Variants in NKAIN3 observed in about 807,000 individuals in gnomAD.
The protein encoded by NKAIN3 is sodium/potassium-transporting ATPase subunit beta-1-interacting protein 3.
A neutral mutation model predicts 30.2 loss-of-function variants in NKAIN3; 25 were observed. The observed-to-expected ratio is 0.83, with a 90% CI of 0.60 to 1.16. NKAIN3 has a LOEUF of 1.16. Ranked by LOEUF, NKAIN3 falls within the 50% of genes most tolerant of loss-of-function variation. The pLI is 0.00. For synonymous variants in NKAIN3, 91 were observed against 89.6 expected, an observed-to-expected ratio of 1.02 and a Z score of -0.09; for missense variants, 225 against 254.1, an observed-to-expected ratio of 0.89 and a Z score of 0.78.
At chr8:62,860,725 C>T (rs549631902) in intron 4 of NKAIN3, among the ~76,000 whole-genome samples, 5 of 152,276 alleles carry the variant, frequency 3.3e-5, no homozygotes, top group South Asian at 2.1e-4. Flanking sequence ...CAGATTGGTC[C>T]GAGGCCAGCT....
chr8:62,370,432 C>G (rs1816871737), intron 1 of NKAIN3, among the ~76,000 whole-genome samples: 1 of 151,742 alleles, frequency 6.6e-6, no homozygotes. Flanking sequence ...TGGGGGGGAA[C>G]AAAAGACAAA....
chr8:62,928,790 G>C (rs893465669), intron 5 of NKAIN3, among the ~76,000 whole-genome samples: 4 of 152,230 alleles, frequency 2.6e-5, no homozygotes, highest in Non-Finnish European at 5.9e-5. Context: ...ATTGAGTGTT[G>C]CTCAGAGAAA....
rs1309148715 is a variant in NKAIN3 at position 62,577,044 on chromosome 8, T to G, written c.55-2495T>G. On this transcript the variant is annotated intron_variant, in intron 1 of 6. Coordinates refer to ENST00000623646, the MANE Select transcript of NKAIN3 (RefSeq NM_001304533.3). The stretch of plus-strand genomic sequence containing the variant: ...AAAAAATACAATGGTGCTTTGTTTA[T>G]TTTTGAAGGCTTGTTGTTTTTAGTT... Among the ~76,000 whole-genome samples the G allele has an allele frequency of 2.6e-5, 4 of 152,144 alleles. No individual in the cohort carries two copies. The East Asian group carries it at 5.8e-4, about 22-fold the overall frequency.
intron 3 of NKAIN3, among the ~76,000 whole-genome samples, chr8:62,651,384 T>C (rs748312042): frequency 3.9e-5 from 6 of 152,156 alleles, no homozygotes; most frequent in Non-Finnish European, 7.3e-5. Context: ...AATGGAGCAA[T>C]TTGCATTACT....
At chr8:62,573,830 C>T (rs1810022780) in intron 1 of NKAIN3, among the ~76,000 whole-genome samples, 1 of 152,074 alleles carries the variant, frequency 6.6e-6, no homozygotes, top group Non-Finnish European at 1.5e-5. Context: ...ATAATCACAT[C>T]AAGATAAATG....
chr8:62,511,998 G>T (rs1224014424), intron 1 of NKAIN3, among the ~76,000 whole-genome samples: 1 of 152,028 alleles, frequency 6.6e-6, no homozygotes, highest in Non-Finnish European at 1.5e-5. Flanking sequence ...CAGCAGCTGG[G>T]GCTATTTTGC....
At chr8:62,876,866 A>G (rs191044367) in intron 4 of NKAIN3, among the ~76,000 whole-genome samples, 183 of 152,164 alleles carry the variant, frequency 1.2e-3, no homozygotes, top group African/African-American at 4.2e-3. Flanking sequence ...GCAGCAAACC[A>G]TCATGGCACA....
chr8:62,311,552 G>A (rs1296603159), intron 1 of NKAIN3, among the ~76,000 whole-genome samples: 1 of 150,590 alleles, frequency 6.6e-6, no homozygotes, highest in Non-Finnish European at 1.5e-5. Flanking sequence ...CATGCAACTG[G>A]GAGGTCAAGT....
chr8:62,355,520 G>A (rs1816320729), intron 1 of NKAIN3, among the ~76,000 whole-genome samples: 1 of 152,110 alleles, frequency 6.6e-6, no homozygotes, highest in South Asian at 2.1e-4. Flanking sequence ...TGAATACAAG[G>A]TAACTCAGCA....
chr8:62,828,819 T>C (rs974949036), intron 4 of NKAIN3, among the ~76,000 whole-genome samples: 3 of 152,102 alleles, frequency 2.0e-5, no homozygotes, highest in African/African-American at 7.2e-5. Context: ...GATAATCTCA[T>C]GAAGAAAGAA....
At chr8:62,833,577 A>T (rs1361282049) in intron 4 of NKAIN3, among the ~76,000 whole-genome samples, 2 of 152,122 alleles carry the variant, frequency 1.3e-5, no homozygotes, top group African/African-American at 2.4e-5. Context: ...GAAAATCCAG[A>T]GGAAATGGAT....
At chr8:62,358,488 C>T (rs564465567) in intron 1 of NKAIN3, among the ~76,000 whole-genome samples, 13 of 152,134 alleles carry the variant, frequency 8.5e-5, no homozygotes, top group African/African-American at 3.1e-4. Context: ...AATGAGTTCC[C>T]ATTTGCATTT....
At chr8:62,408,175 C>G (rs1489578100) in intron 1 of NKAIN3, among the ~76,000 whole-genome samples, 4 of 152,118 alleles carry the variant, frequency 2.6e-5, no homozygotes, top group Admixed American at 6.6e-5. Flanking sequence ...ACTTTGAACA[C>G]AAAATTTTGA....
chr8:62,599,458 A>G (rs550831986), intron 3 of NKAIN3, among the ~76,000 whole-genome samples: 1 of 152,198 alleles, frequency 6.6e-6, no homozygotes, highest in East Asian at 1.9e-4. Context: ...AAAGAATTAA[A>G]TAATACCTAT....
chr8:62,399,255 C>G (rs1817860147), intron 1 of NKAIN3, among the ~76,000 whole-genome samples: 1 of 152,114 alleles, frequency 6.6e-6, no homozygotes, highest in Non-Finnish European at 1.5e-5. Flanking sequence ...CTTGTAATCT[C>G]AGCACTTCGG....
At chr8:62,930,238 C>T (rs1585587969) in intron 5 of NKAIN3, among the ~76,000 whole-genome samples, 2 of 151,084 alleles carry the variant, frequency 1.3e-5, no homozygotes, top group Middle Eastern at 6.8e-3. Flanking sequence ...TCCCTCCAGC[C>T]TCTAGTAACC....
In NKAIN3 at chr8:62,468,966, C is replaced by A. The variant is rs754227824; in HGVS notation, c.55-110573C>A. On this transcript the variant is annotated intron_variant, in intron 1 of 6. Transcript: ENST00000623646. ...GGATATCTGCATTCTTCCCAATAAT[C>A]AAATTTATTCTTGTCTAACCCAACG... 1.8e-4 allele frequency among the ~76,000 whole-genome samples: 28 copies of A among 152,146 alleles called. 1 individual carries two copies. Among genetic ancestry groups the A allele is most frequent in the Middle Eastern group, 6.3e-3 (2 of 316 alleles).
intron 4 of NKAIN3, among the ~76,000 whole-genome samples, chr8:62,759,361 A>G (rs538071470): frequency 3.9e-5 from 6 of 152,298 alleles, no homozygotes; most frequent in African/African-American, 1.2e-4. Flanking sequence ...AATCAATTCA[A>G]TTCTCCATTT....
At chr8:62,779,417 G>A (rs1817287521) in intron 4 of NKAIN3, among the ~76,000 whole-genome samples, 1 of 151,996 alleles carries the variant, frequency 6.6e-6, no homozygotes, top group East Asian at 1.9e-4. Context: ...CTCTGACTAG[G>A]GCTGTTATAA....
Sources: gnomAD v4.1 joint callset for allele counts (sites outside exome capture counted in the v4.1 genomes callset) on GRCh38, gnomAD v4.1.1 for gene constraint, MANE v1.5 for transcripts, NCBI Gene and HGNC (gene_info 2026-07-23, HGNC 2026-07-21) for gene names.